Variants in NCKAP1 observed in about 807,000 individuals in gnomAD.
The protein encoded by NCKAP1 is nck-associated protein 1.
A neutral mutation model predicts 151.2 loss-of-function variants in NCKAP1; 21 were observed. The observed-to-expected ratio is 0.14, with a 90% CI of 0.10 to 0.20. The LOEUF (loss-of-function observed/expected upper bound fraction) is 0.20, where lower values mean the gene tolerates loss of function less well. NCKAP1 is among the 10% of genes least tolerant of loss of function. The pLI is 1.00. For missense variants in NCKAP1, 933 were observed against 1,352.1 expected, an observed-to-expected ratio of 0.69 and a Z score of 4.86; for synonymous variants, 484 against 451.8, an observed-to-expected ratio of 1.07 and a Z score of -0.90.
At chr2:183,035,025 G>A (rs918816505) in intron 1 of NCKAP1, among the ~76,000 whole-genome samples, 1 of 151,962 alleles carries the variant, frequency 6.6e-6, no homozygotes, top group Non-Finnish European at 1.5e-5. Context: ...TTGCCATGCT[G>A]GAACCTTTAA....
Position 182,910,948 on chromosome 2 carries a change from G to GCACCCCCCCCCCC in NCKAP1, c.*14753_*14754insGGGGGGGGGGGTG. The GCACCCCCCCCCCC allele has an allele frequency of 1.7e-5, 2 of 117,888 alleles. No homozygotes were observed. The highest frequency in any genetic ancestry group is 2.9e-5 in the African/African-American group (1 of 34,820). 7.3% of individuals were successfully genotyped at this position (117,888 alleles called of 1,614,324 possible). A position where few individuals can be genotyped will look rare whatever the true frequency, so the allele number is the denominator to read the frequency against. ...CTTGGAAATAAAAATAAAATCCTAA[G>GCACCCCCCCCCCC]CTCCCCCCCCACATTTGACTAAACA... On this transcript the variant is annotated 3_prime_UTR_variant, in exon 31 of 31. Transcript: ENST00000361354.
chr2:183,011,226 T>C (rs906369066), intron 2 of NCKAP1, among the ~76,000 whole-genome samples: 2 of 152,240 alleles, frequency 1.3e-5, no homozygotes, highest in Non-Finnish European at 2.9e-5. Flanking sequence ...CCAAAATGCT[T>C]TTCTCTGAAT....
Position 182,912,547 on chromosome 2 carries a change from G to A in NCKAP1, c.*13155C>T, listed in dbSNP as rs183044308. On this transcript the variant is annotated 3_prime_UTR_variant, in exon 31 of 31. Transcript: ENST00000361354. ...TTTCTCAGCAAAAGGGAAAAAGTAC[G>A]AATTAGGAAAGGTACATTTAACAAG... 6 of 152,256 alleles carry A rather than the reference G, an allele frequency of 3.9e-5. No homozygotes were observed. The East Asian group carries it at 7.7e-4, about 20-fold the overall frequency. The allele number at this position is 152,256 out of a possible 1,614,324, so 9.4% of individuals were successfully genotyped here.
chr2:182,946,888 A>G (rs1256224242), intron 23 of NCKAP1: 1 of 152,232 alleles, frequency 6.6e-6, no homozygotes, highest in Non-Finnish European at 1.5e-5. Context: ...TGCAGAAGCA[A>G]GTTAAATCAC....
intron 2 of NCKAP1, among the ~76,000 whole-genome samples, chr2:183,004,884 CA>C (rs71008253): frequency 1.8e-4 from 24 of 136,340 alleles, no homozygotes; most frequent in Admixed American, 1.5e-4. Flanking sequence ...GACTCCATCT[CA>C]AAAAAAAAAA....
At chr2:183,001,585 A>AC (rs111963461) in intron 6 of NCKAP1, among the ~76,000 whole-genome samples, 9,165 of 152,220 alleles carry the variant, frequency 0.06, 447 homozygotes, top group African/African-American at 0.13. Flanking sequence ...TGATAAGAAA[A>AC]CTGAGGTATC....
Position 183,018,020 on chromosome 2 carries a change from G to A in NCKAP1, c.219+5786C>T, listed in dbSNP as rs145082759. On this transcript the variant is annotated intron_variant, in intron 2 of 30. Transcript: ENST00000361354. ...ATCCAGCACTTTGGGAGGCTGGGGCGGACGGATTGCCTGAGGTCAGGAGTT... is the reference window on the plus strand; with the variant it reads ...ATCCAGCACTTTGGGAGGCTGGGGCAGACGGATTGCCTGAGGTCAGGAGTT... 1.3e-4 allele frequency among the ~76,000 whole-genome samples: 20 copies of A among 152,212 alleles called. 1 individual carries two copies. In the South Asian group the frequency reaches 1.5e-3, roughly 11 times the overall value.
chr2:183,013,198 G>A (rs1391754206), intron 2 of NCKAP1, among the ~76,000 whole-genome samples: 1 of 148,054 alleles, frequency 6.8e-6, no homozygotes, highest in African/African-American at 2.5e-5. Flanking sequence ...TCTTCAACTT[G>A]ACAGTCAGCT....
At chr2:183,014,995 G>T (rs1380808415) in intron 2 of NCKAP1, among the ~76,000 whole-genome samples, 1 of 152,158 alleles carries the variant, frequency 6.6e-6, no homozygotes, top group African/African-American at 2.4e-5. Context: ...GAAATTTGAA[G>T]AGTATGGAAA....
chr2:182,958,511 T>C (rs568534465), intron 18 of NCKAP1, among the ~76,000 whole-genome samples: 19 of 152,254 alleles, frequency 1.2e-4, no homozygotes, highest in Admixed American at 8.5e-4. Flanking sequence ...AGGAAAATTG[T>C]AACAGAGCTG....
intron 16 of NCKAP1, among the ~76,000 whole-genome samples, chr2:182,965,960 G>A (rs925099039): frequency 5.3e-5 from 8 of 152,078 alleles, no homozygotes; most frequent in African/African-American, 1.9e-4. Context: ...TCCTTTAAGA[G>A]GCATGGTTTC....
chr2:183,029,705 A>G (rs982269920), intron 1 of NCKAP1, among the ~76,000 whole-genome samples: 7 of 151,712 alleles, frequency 4.6e-5, no homozygotes, highest in African/African-American at 1.7e-4. Context: ...CTGTGGTCCC[A>G]GCTACCTGGG....
chr2:182,995,901 G>A, intron 6 of NCKAP1, 63 bp from the exon 7 acceptor site: 1 of 1,346,386 alleles, frequency 7.4e-7, no homozygotes, highest in South Asian at 1.2e-5. Flanking sequence ...TTACATTGCA[G>A]CTATAATTGC....
At chr2:182,965,287 A>AC (rs397800825) in intron 16 of NCKAP1, among the ~76,000 whole-genome samples, 1 of 150,902 alleles carries the variant, frequency 6.6e-6, no homozygotes, top group Admixed American at 6.6e-5. Flanking sequence ...GAAAAAAAAA[A>AC]CATTGCCAAT....
At chr2:182,990,731 C>T (rs1431317287) in intron 8 of NCKAP1, among the ~76,000 whole-genome samples, 1 of 152,102 alleles carries the variant, frequency 6.6e-6, no homozygotes. Context: ...GTTTAAACTC[C>T]TATTATAGCT....
Position 183,013,342 on chromosome 2 carries a change from T to C in NCKAP1, c.220-10017A>G, listed in dbSNP as rs896632296. ...AGTACTTCCCCCACTGCATTCACTG[T>C]ACTACTCCCACTGCACTACCCCAAA... On this transcript the variant is annotated intron_variant, in intron 2 of 30. Coordinates refer to ENST00000361354, the MANE Select transcript of NCKAP1 (RefSeq NM_013436.5). 2.0e-5 allele frequency among the ~76,000 whole-genome samples: 3 copies of C among 152,140 alleles called. No individual in the cohort carries two copies. The East Asian group carries it at 5.8e-4, about 29-fold the overall frequency.
At chr2:183,036,527 CTA>C (rs991524467) in intron 1 of NCKAP1, among the ~76,000 whole-genome samples, 4 of 152,228 alleles carry the variant, frequency 2.6e-5, no homozygotes, top group African/African-American at 9.6e-5. Flanking sequence ...TATTCCTAAC[CTA>C]TATAAATTTA....
chr2:183,037,037 GA>G (rs1383398860), intron 1 of NCKAP1, among the ~76,000 whole-genome samples: 1 of 152,110 alleles, frequency 6.6e-6, no homozygotes, highest in African/African-American at 2.4e-5. Context: ...GCCTTAAGGG[GA>G]GAGATTTTGT....
chr2:183,004,859 G>A (rs755338471), intron 2 of NCKAP1, among the ~76,000 whole-genome samples: 2 of 149,686 alleles, frequency 1.3e-5, no homozygotes, highest in Admixed American at 6.7e-5. Context: ...ACTCCAGCCT[G>A]GGTGACAGAG....
Sources: gnomAD v4.1 joint callset for allele counts (sites outside exome capture counted in the v4.1 genomes callset) on GRCh38, gnomAD v4.1.1 for gene constraint, MANE v1.5 for transcripts, NCBI Gene and HGNC (gene_info 2026-07-23, HGNC 2026-07-21) for gene names.